The following MKRN1 variants were observed in gnomAD, a reference collection of about 807,000 sequenced individuals.
The protein encoded by MKRN1 is E3 ubiquitin-protein ligase makorin-1.
Under a neutral mutation model 55.5 loss-of-function variants are expected in MKRN1, and 9 were observed. That is an observed-to-expected ratio of 0.16 (90% CI 0.10 to 0.28). MKRN1 has a LOEUF of 0.28. Ranked by LOEUF, MKRN1 falls within the 10% of genes least tolerant of loss-of-function variation. MKRN1 has a pLI of 1.00. For synonymous variants in MKRN1, 253 were observed against 235.9 expected, an observed-to-expected ratio of 1.07 and a Z score of -0.66; for missense variants, 488 against 626.7, an observed-to-expected ratio of 0.78 and a Z score of 2.36.
At chr7:140,455,001 G>C in intron 7 of MKRN1, 94 bp downstream of exon 7, 1 of 1,515,808 alleles carries the variant, frequency 6.6e-7, no homozygotes, top group Non-Finnish European at 9.0e-7. Context: ...TCCCAGACCT[G>C]AGCGTTAACC....
At chr7:140,468,062 T>A (rs1320234205) in intron 2 of MKRN1, among the ~76,000 whole-genome samples, 8 of 151,400 alleles carry the variant, frequency 5.3e-5, no homozygotes, top group Non-Finnish European at 1.2e-4. Flanking sequence ...TAACCTTCAT[T>A]TTTTTCATTC....
rs28413623 is a variant in MKRN1, at chr7:140,467,266, G to C, written c.314+4617C>G. Reference sequence around the variant, plus strand: ...TGGGATTACAGGCATGAGCCACCAAGCCCAGCCGCCCCCTCCCCCACTTTC... The same window carrying C: ...TGGGATTACAGGCATGAGCCACCAACCCCAGCCGCCCCCTCCCCCACTTTC... On this transcript the variant is annotated intron_variant, in intron 2 of 7. Transcript: ENST00000255977. Among the ~76,000 whole-genome samples, 948 of 151,746 alleles carry C rather than the reference G, an allele frequency of 6.2e-3. 6 individuals are homozygous for C. Among genetic ancestry groups the C allele is most frequent in the African/African-American group, 0.022 (902 of 41,412 alleles).
chr7:140,466,137 A>C lies in MKRN1; in HGVS notation c.314+5746T>G, dbSNP rs962289962. On this transcript the variant is annotated intron_variant, in intron 2 of 7. Transcript: ENST00000255977. Reference sequence around the variant, plus strand: ...CTAGATATCATTCTAACAGGAAAACAAGCAGTCATAGAGCAAGCCTCTCTT... The same window carrying C: ...CTAGATATCATTCTAACAGGAAAACCAGCAGTCATAGAGCAAGCCTCTCTT... Among the ~76,000 whole-genome samples, 74 of 152,194 alleles carry C rather than the reference A, an allele frequency of 4.9e-4. 1 individual carries two copies. The highest frequency in any genetic ancestry group is 4.8e-3 in the Admixed American group (73 of 15,262).
At chr7:140,471,614 C>T (rs557559576) in intron 2 of MKRN1, among the ~76,000 whole-genome samples, 12 of 152,124 alleles carry the variant, frequency 7.9e-5, no homozygotes, top group South Asian at 2.1e-4. Context: ...GGATTACAGA[C>T]GCACACCACC....
intron 4 of MKRN1, 54 bp downstream of exon 4, chr7:140,458,953 G>A (rs1009048844): frequency 1.3e-6 from 2 of 1,560,930 alleles, no homozygotes; most frequent in African/African-American, 2.7e-5. Flanking sequence ...TGCTGTGAAA[G>A]GGCAAATAAT....
intron 2 of MKRN1, among the ~76,000 whole-genome samples, chr7:140,470,528 T>A (rs901919309): frequency 2.0e-5 from 3 of 151,778 alleles, no homozygotes; most frequent in African/African-American, 7.3e-5. Flanking sequence ...GAGGTTGCAG[T>A]GAGCCGAAAT....
intron 2 of MKRN1, among the ~76,000 whole-genome samples, chr7:140,464,937 C>T (rs1268278105): frequency 2.6e-5 from 4 of 152,140 alleles, no homozygotes; most frequent in Non-Finnish European, 4.4e-5. Flanking sequence ...ACTACAGGTA[C>T]ACACCACCAC....
chr7:140,456,512 A>G lies in MKRN1; in HGVS notation c.986+140T>C. On this transcript the variant is annotated intron_variant, in intron 5 of 7. Transcript: ENST00000255977. ...CTAGAAGCTAGCTGAAATACAAAGA[A>G]GAAATCCCCATTAGAATATCCCAGT... 2.1e-6 allele frequency: 3 copies of G among 1,453,958 alleles called. No individual in the cohort carries two copies. The East Asian group carries it at 7.5e-5, about 36-fold the overall frequency. 90.1% of individuals were successfully genotyped at this position (1,453,958 alleles called of 1,614,324 possible). A position where few individuals can be genotyped will look rare whatever the true frequency, so the allele number is the denominator to read the frequency against.
intron 2 of MKRN1, 28 bp downstream of exon 2, chr7:140,471,855 C>G (rs749056281): frequency 1.2e-6 from 2 of 1,609,064 alleles, no homozygotes; most frequent in Admixed American, 3.4e-5. Context: ...CAACCCACCC[C>G]TGAACAAATT....
At chr7:140,474,665 T>A (rs1470033880) in intron 1 of MKRN1, among the ~76,000 whole-genome samples, 1 of 152,128 alleles carries the variant, frequency 6.6e-6, no homozygotes, top group Non-Finnish European at 1.5e-5. Flanking sequence ...AGTAATAAAT[T>A]TCACTATGGA....
rs1322331073 is a variant in MKRN1 at position 140,454,084 on chromosome 7, C to CA, written c.*432dup. ...CCAGAAACCTCAAGGATCCACATCC[C>CA]ATGTCTGGGGCAGAGGGCTATTGGC... On this transcript the variant is annotated 3_prime_UTR_variant, in exon 8 of 8. Transcript: ENST00000255977. 4.9e-6 allele frequency: 1 copy of CA among 205,108 alleles called. No individual in the cohort carries two copies. Among genetic ancestry groups the CA allele is most frequent in the African/African-American group, 2.3e-5 (1 of 43,832 alleles). The allele number at this position is 205,108 out of a possible 1,614,324, so 12.7% of individuals were successfully genotyped here. A position where few individuals can be genotyped will look rare whatever the true frequency, so the allele number is the denominator to read the frequency against.
chr7:140,474,751 C>T (rs1469010890), intron 1 of MKRN1, among the ~76,000 whole-genome samples: 2 of 148,608 alleles, frequency 1.3e-5, no homozygotes, highest in Non-Finnish European at 3.0e-5. Context: ...CGAAATCTCA[C>T]TCTGTCACCC....
Sources: allele counts gnomAD v4.1 joint callset (sites outside exome capture counted in the v4.1 genomes callset), GRCh38; gene constraint gnomAD v4.1.1; transcripts MANE v1.5; gene names NCBI Gene and HGNC (gene_info 2026-07-23, HGNC 2026-07-21).